UBXN7: variants seen among roughly 807,000 people sequenced by gnomAD.
UBXN7 encodes the protein UBX domain-containing protein 7.
In UBXN7, 9 loss-of-function variants were observed where a neutral mutation model predicts 58.0. The ratio of observed to expected loss-of-function variants is 0.16; its 90% CI spans 0.09 to 0.27. The LOEUF (loss-of-function observed/expected upper bound fraction) is 0.27, where lower values mean the gene tolerates loss of function less well. Among genes scored for constraint, UBXN7 ranks in the 10% least tolerant of loss-of-function variants. The pLI is 1.00. For synonymous variants in UBXN7, 208 were observed against 205.0 expected (o/e 1.01, Z -0.12); for missense variants, 328 against 599.6 (o/e 0.55, Z 4.73).
Position 196,417,164 on chromosome 3 carries a change from T to G in UBXN7, c.74-9771A>C, listed in dbSNP as rs1429984131. Among the ~76,000 whole-genome samples, 10 of 152,144 alleles carry G rather than the reference T, an allele frequency of 6.6e-5. No homozygotes were observed. The East Asian group carries it at 9.7e-4, about 15-fold the overall frequency. On this transcript the variant is annotated intron_variant, in intron 1 of 10. Transcript: ENST00000296328. ...CCGTCTCTACTAAAAATACAAAAAA[T>G]TAGCCGGGCGTGGTGGCGGGCGCTT... is the stretch of plus-strand genomic sequence containing the variant.
In UBXN7 at chr3:196,356,107, A is replaced by C. The variant is rs1728339807; in HGVS notation, c.*578T>G. Reference sequence around the variant, plus strand: ...TTGAAAAAGGTTTTTAAGTATGATGAGCAATCATTACAAGGGATGCTTTTT... The same window carrying C: ...TTGAAAAAGGTTTTTAAGTATGATGCGCAATCATTACAAGGGATGCTTTTT... On this transcript the variant is annotated 3_prime_UTR_variant, in exon 11 of 11. Transcript: ENST00000296328. The C allele has an allele frequency of 6.5e-6, 1 of 152,688 alleles. No homozygotes were observed. Among genetic ancestry groups the C allele is most frequent in the Non-Finnish European group, 1.5e-5 (1 of 68,058 alleles). 9.5% of individuals were successfully genotyped at this position (152,688 alleles called of 1,614,324 possible).
chr3:196,424,434 A>C (rs1577481381), intron 1 of UBXN7, among the ~76,000 whole-genome samples: 3 of 120,338 alleles, frequency 2.5e-5, no homozygotes, highest in Admixed American at 1.1e-4. Flanking sequence ...TCTCTCTGTC[A>C]CCCAGGCTGG....
intron 5 of UBXN7, among the ~76,000 whole-genome samples, chr3:196,378,587 G>A (rs1334784186): frequency 6.6e-6 from 1 of 152,182 alleles, no homozygotes; most frequent in Non-Finnish European, 1.5e-5. Flanking sequence ...AGTTTTCCAG[G>A]AAAAGGTTGG....
chr3:196,424,797 G>A (rs1470096570), intron 1 of UBXN7, among the ~76,000 whole-genome samples: 1 of 150,794 alleles, frequency 6.6e-6, no homozygotes, highest in African/African-American at 2.4e-5. Context: ...CCGCCTTCCA[G>A]GTTCAAGCAA....
chr3:196,356,941 T>C, intron 10 of UBXN7, 95 bp from the exon 11 acceptor site: 1 of 1,416,322 alleles, frequency 7.1e-7, no homozygotes. Flanking sequence ...TTTAATCATA[T>C]TAGATCAGCT....
rs898018995 is a variant in UBXN7 at position 196,353,938 on chromosome 3, T to C, written c.*2747A>G. 2 of 152,046 alleles carry C rather than the reference T, an allele frequency of 1.3e-5. No homozygotes were observed. The highest frequency in any genetic ancestry group is 2.9e-5 in the Non-Finnish European group (2 of 68,020). 9.4% of individuals were successfully genotyped at this position (152,046 alleles called of 1,614,324 possible). ...ACAAGGAATGACTATTTTTAACTAA[T>C]CTTACTGACCTCATTTAATCTATTC... is the stretch of plus-strand genomic sequence containing the variant. On this transcript the variant is annotated 3_prime_UTR_variant, in exon 11 of 11. Coordinates refer to ENST00000296328, the MANE Select transcript of UBXN7 (RefSeq NM_015562.2).
Position 196,391,793 on chromosome 3 carries a change from C to G in UBXN7, c.468+20G>C, listed in dbSNP as rs1729591118. The G allele has an allele frequency of 6.4e-7, 1 of 1,566,284 alleles. No homozygotes were observed. The highest frequency in any genetic ancestry group is 1.9e-5 in the Admixed American group (1 of 53,592). On this transcript the variant is annotated intron_variant, in intron 5 of 10. Coordinates refer to ENST00000296328, the MANE Select transcript of UBXN7 (RefSeq NM_015562.2). ...TGCAAAAGGATTCATAGTTAAGGCA[C>G]TGACTCTCCAACAACTTACTGTTTC...
At chr3:196,384,759 G>A (rs1729320677) in intron 5 of UBXN7, among the ~76,000 whole-genome samples, 1 of 152,016 alleles carries the variant, frequency 6.6e-6, no homozygotes, top group South Asian at 2.1e-4. Flanking sequence ...AGCCCTTCAC[G>A]CTAAAAATTC....
chr3:196,362,029 C>A, intron 9 of UBXN7, 106 bp from the exon 10 acceptor site: 1 of 1,200,276 alleles, frequency 8.3e-7, no homozygotes, highest in South Asian at 1.4e-5. Flanking sequence ...AGCAATTACT[C>A]AAGTGTTTTG....
chr3:196,362,675 C>CT lies in UBXN7; in HGVS notation c.846dup (p.Asp283ArgfsTer4). 6.2e-7 allele frequency: 1 copy of CT among 1,606,940 alleles called. No homozygotes were observed. Among genetic ancestry groups the CT allele is most frequent in the Non-Finnish European group, 8.5e-7 (1 of 1,174,280 alleles). Reference sequence around the variant, plus strand: ...TCTAGCTGGCTGTCTTCACTTGCATCTATAAGGCTCTCCTGTGAGATGGAG... The same window carrying CT: ...TCTAGCTGGCTGTCTTCACTTGCATCTTATAAGGCTCTCCTGTGAGATGGAG... On this transcript the variant is annotated frameshift_variant, in exon 9 of 11. Coordinates refer to ENST00000296328, the MANE Select transcript of UBXN7 (RefSeq NM_015562.2). LOFTEE classifies it high-confidence loss of function.
At chr3:196,383,784 G>C (rs1729288981) in intron 5 of UBXN7, among the ~76,000 whole-genome samples, 1 of 152,080 alleles carries the variant, frequency 6.6e-6, no homozygotes, top group South Asian at 2.1e-4. Flanking sequence ...AGAATCTCTG[G>C]GACACACTTA....
chr3:196,374,282 TC>T lies in UBXN7; in HGVS notation c.469-2241del, dbSNP rs556988516. 2.6e-3 allele frequency among the ~76,000 whole-genome samples: 390 copies of T among 150,980 alleles called. 1 individual carries two copies. Among genetic ancestry groups the T allele is most frequent in the Non-Finnish European group, 4.3e-3 (288 of 67,638 alleles). On this transcript the variant is annotated intron_variant, in intron 5 of 10. Coordinates refer to ENST00000296328, the MANE Select transcript of UBXN7 (RefSeq NM_015562.2). ...AAAATGGAAGAGTCACTTTTTTTTT[TC>T]GCTTTTAAAAATTTGTTTACTCACA... is the stretch of plus-strand genomic sequence containing the variant.
intron 1 of UBXN7, among the ~76,000 whole-genome samples, chr3:196,408,257 T>C (rs1176246580): frequency 6.6e-6 from 1 of 152,136 alleles, no homozygotes; most frequent in Non-Finnish European, 1.5e-5. Context: ...CATTTGTAAA[T>C]AAAGTAAAGC....
At position 196,420,078 on chromosome 3, in the gene UBXN7, T is replaced by C. The variant is rs1444174505; in HGVS notation, c.73+12249A>G. Among the ~76,000 whole-genome samples the C allele has an allele frequency of 3.3e-5, 5 of 152,312 alleles. No homozygotes were observed. In the East Asian group the frequency reaches 9.6e-4, roughly 29 times the overall value. On this transcript the variant is annotated intron_variant, in intron 1 of 10. Transcript: ENST00000296328. ...ACACATTTTACCCACATTTTACCTA[T>C]GCACCCAAGAGGGACTTAACAATTT...
chr3:196,382,777 T>TA (rs1468049313), intron 5 of UBXN7, among the ~76,000 whole-genome samples: 1 of 151,816 alleles, frequency 6.6e-6, no homozygotes, highest in East Asian at 1.9e-4. Flanking sequence ...AGGCTCAAAA[T>TA]AAAGGGATGG....
At chr3:196,427,251 A>G (rs997650407) in intron 1 of UBXN7, among the ~76,000 whole-genome samples, 2 of 152,154 alleles carry the variant, frequency 1.3e-5, no homozygotes, top group Admixed American at 6.6e-5. Flanking sequence ...CATGGCTCAA[A>G]ACATTTTTAC....
chr3:196,391,135 C>T (rs2108845170), intron 5 of UBXN7, among the ~76,000 whole-genome samples: 1 of 152,184 alleles, frequency 6.6e-6, no homozygotes, highest in Non-Finnish European at 1.5e-5. Flanking sequence ...ACAAAAGACA[C>T]CTATCAACAA....
intron 8 of UBXN7, among the ~76,000 whole-genome samples, chr3:196,366,683 G>A (rs1216942526): frequency 3.3e-5 from 5 of 152,068 alleles, no homozygotes; most frequent in African/African-American, 1.2e-4. Context: ...CTTGAGGCCA[G>A]TTTGAGACCA....
chr3:196,417,290 A>T (rs187548692), intron 1 of UBXN7, among the ~76,000 whole-genome samples: 2 of 152,142 alleles, frequency 1.3e-5, no homozygotes, highest in Non-Finnish European at 2.9e-5. Flanking sequence ...CCAGCCTGGG[A>T]GACAGAGCGA....
Sources: gnomAD v4.1 joint callset for allele counts (sites outside exome capture counted in the v4.1 genomes callset) on GRCh38, gnomAD v4.1.1 for gene constraint, MANE v1.5 for transcripts, NCBI Gene and HGNC (gene_info 2026-07-23, HGNC 2026-07-21) for gene names.